The following PRKN variants were observed in gnomAD, a reference collection of about 807,000 sequenced individuals.
The protein encoded by PRKN is E3 ubiquitin-protein ligase parkin.
In PRKN, 56 loss-of-function variants were observed where a neutral mutation model predicts 59.5. The ratio of observed to expected loss-of-function variants is 0.94; its 90% CI spans 0.76 to 1.18. The LOEUF (loss-of-function observed/expected upper bound fraction) is 1.18, where lower values mean the gene tolerates loss of function less well. Ranked by LOEUF, PRKN falls within the 50% of genes most tolerant of loss-of-function variation. The pLI is 0.00. For synonymous variants in PRKN, 250 were observed against 222.1 expected (o/e 1.13, Z -1.12); for missense variants, 657 against 596.4 (o/e 1.10, Z -1.06).
chr6:161,507,955 C>G (rs1219116067), intron 9 of PRKN, among the ~76,000 whole-genome samples: 1 of 152,138 alleles, frequency 6.6e-6, no homozygotes, highest in African/African-American at 2.4e-5. Context: ...AAATAAATGA[C>G]CTACCTTTTC....
At chr6:161,804,321 G>A (rs916368009) in intron 6 of PRKN, among the ~76,000 whole-genome samples, 2 of 152,204 alleles carry the variant, frequency 1.3e-5, no homozygotes, top group African/African-American at 4.8e-5. Context: ...GAGCAGTGTG[G>A]ACACTGATAG....
chr6:162,720,105 T>C (rs1455165616), intron 1 of PRKN, among the ~76,000 whole-genome samples: 1 of 152,200 alleles, frequency 6.6e-6, no homozygotes, highest in Non-Finnish European at 1.5e-5. Context: ...TCACAAGATC[T>C]TATTTATGCA....
chr6:162,283,293 T>G (rs1781005563), intron 2 of PRKN, among the ~76,000 whole-genome samples: 1 of 152,214 alleles, frequency 6.6e-6, no homozygotes, highest in African/African-American at 2.4e-5. Flanking sequence ...TCTTTTTATT[T>G]TCACCTAAGA....
chr6:161,993,646 G>T (rs1177913265), intron 5 of PRKN, among the ~76,000 whole-genome samples: 2 of 152,164 alleles, frequency 1.3e-5, no homozygotes, highest in Non-Finnish European at 2.9e-5. Flanking sequence ...AAGAACAAAA[G>T]AAAGGAATAG....
chr6:162,087,617 C>T (rs539130690), intron 4 of PRKN, among the ~76,000 whole-genome samples: 176 of 107,354 alleles, frequency 1.6e-3, no homozygotes, highest in Non-Finnish European at 2.7e-3. Context: ...TTTTCTGAGA[C>T]GGAGTCTCGC....
intron 6 of PRKN, among the ~76,000 whole-genome samples, chr6:161,885,924 C>A (rs1795132314): frequency 6.6e-6 from 1 of 152,124 alleles, no homozygotes; most frequent in Non-Finnish European, 1.5e-5. Flanking sequence ...AATGGTACCT[C>A]CATCAATGCT....
At chr6:161,938,713 T>C (rs1779444579) in intron 6 of PRKN, among the ~76,000 whole-genome samples, 1 of 152,256 alleles carries the variant, frequency 6.6e-6, no homozygotes, top group African/African-American at 2.4e-5. Flanking sequence ...ATGTGCCACT[T>C]ACAGTGTTTG....
chr6:162,500,942 G>T (rs1398523616), intron 1 of PRKN, among the ~76,000 whole-genome samples: 1 of 152,132 alleles, frequency 6.6e-6, no homozygotes, highest in Non-Finnish European at 1.5e-5. Flanking sequence ...GAGGCAGAAG[G>T]ACTGCTTGAG....
At chr6:162,236,021 G>GAAAGAAAC (rs1287554689) in intron 3 of PRKN, among the ~76,000 whole-genome samples, 13 of 148,706 alleles carry the variant, frequency 8.7e-5, no homozygotes, top group African/African-American at 2.5e-4. Flanking sequence ...AAGAAAGAAA[G>GAAAGAAAC]AAACTCCTCA....
rs1198164379 is a variant in PRKN, at chr6:161,372,889, G to C, written c.1168-12684C>G. Among the ~76,000 whole-genome samples, 1 of 149,846 alleles carries C rather than the reference G, an allele frequency of 6.7e-6. No individual in the cohort carries two copies. Among genetic ancestry groups the C allele is most frequent in the Non-Finnish European group, 1.5e-5 (1 of 67,734 alleles). On this transcript the variant is annotated intron_variant, in intron 10 of 11. Coordinates refer to ENST00000366898, the MANE Select transcript of PRKN (RefSeq NM_004562.3). The surrounding 1 kb of genome is among the most constrained non-coding windows in gnomAD (Gnocchi z 4.2). ...CTGTTGCCCAGGCTGGAGTGCTGTG[G>C]CAAGATCATAGCTCACTCTAGCCTG...
intron 9 of PRKN, among the ~76,000 whole-genome samples, chr6:161,513,324 T>A (rs528596881): frequency 6.6e-6 from 1 of 152,262 alleles, no homozygotes; most frequent in South Asian, 2.1e-4. Context: ...CACTGCAACC[T>A]CCGCCCCCCG....
At chr6:161,720,517 G>GA (rs111680770) in intron 7 of PRKN, among the ~76,000 whole-genome samples, 23,061 of 148,904 alleles carry the variant, frequency 0.15, 2,768 homozygotes, top group African/African-American at 0.35. Flanking sequence ...GGGCACAGGT[G>GA]GGGGGGGGCA....
Position 161,571,509 on chromosome 6 carries a change from C to T in PRKN, c.872-2093G>A, listed in dbSNP as rs933923731. On this transcript the variant is annotated intron_variant, in intron 7 of 11. Transcript: ENST00000366898. ...TTCACACAGGTGAAGGTGCTCATTG[C>T]GATACAGATTAGATCTGTGCATTGT... 9.9e-5 allele frequency among the ~76,000 whole-genome samples: 15 copies of T among 152,196 alleles called. No homozygotes were observed. In the East Asian group the frequency reaches 1.9e-3, roughly 20 times the overall value.
Position 161,584,486 on chromosome 6 carries a change from G to GA in PRKN, c.872-15071dup, listed in dbSNP as rs1332594525. On this transcript the variant is annotated intron_variant, in intron 7 of 11. Coordinates refer to ENST00000366898, the MANE Select transcript of PRKN (RefSeq NM_004562.3). The surrounding 1 kb of genome is among the most constrained non-coding windows in gnomAD (Gnocchi z 4.8). The stretch of plus-strand genomic sequence containing the variant: ...ATAATCTTCATGTGCCAAATTGGGG[G>GA]AAAAAACCTTATGGCTGGCCTGTTA... 1.3e-5 allele frequency among the ~76,000 whole-genome samples: 2 copies of GA among 152,222 alleles called. No homozygotes were observed. The highest frequency in any genetic ancestry group is 3.9e-4 in the East Asian group (2 of 5,184).
At chr6:162,586,983 T>C (rs1183283496) in intron 1 of PRKN, among the ~76,000 whole-genome samples, 1 of 152,156 alleles carries the variant, frequency 6.6e-6, no homozygotes, top group Non-Finnish European at 1.5e-5. Flanking sequence ...AATGGTCATG[T>C]GAAAGGTAAG....
intron 2 of PRKN, among the ~76,000 whole-genome samples, chr6:162,292,739 G>A (rs138293277): frequency 2.8e-4 from 43 of 152,260 alleles, no homozygotes; most frequent in African/African-American, 8.9e-4. Flanking sequence ...AGACCCACCA[G>A]GATCAGTTCT....
chr6:161,964,009 C>A (rs1780482875), intron 6 of PRKN, among the ~76,000 whole-genome samples: 1 of 151,484 alleles, frequency 6.6e-6, no homozygotes, highest in African/African-American at 2.5e-5. Context: ...CTCTGAATCT[C>A]ACTTTACTGC....
Position 161,560,762 on chromosome 6 carries a change from T to C in PRKN, c.933+8593A>G, listed in dbSNP as rs1023586094. Among the ~76,000 whole-genome samples, 1 of 152,142 alleles carries C rather than the reference T, an allele frequency of 6.6e-6. No individual in the cohort carries two copies. Among genetic ancestry groups the C allele is most frequent in the African/African-American group, 2.4e-5 (1 of 41,432 alleles). ...CAAATCTCTTGCTAAAGTATGAACA[T>C]TGCTTAAATTCTTCAACTTCATCAA... On this transcript the variant is annotated intron_variant, in intron 8 of 11. Coordinates refer to ENST00000366898, the MANE Select transcript of PRKN (RefSeq NM_004562.3). This position sits in a 1 kb window ranked among gnomAD's most constrained non-coding sequence, Gnocchi z 4.9.
intron 5 of PRKN, among the ~76,000 whole-genome samples, chr6:162,016,152 A>AC (rs1562462231): frequency 1.4e-5 from 1 of 70,778 alleles, no homozygotes; most frequent in Non-Finnish European, 2.8e-5. Context: ...TAAAATAATA[A>AC]TAAAAAAAAA....
Sources: allele counts gnomAD v4.1 joint callset (sites outside exome capture counted in the v4.1 genomes callset), GRCh38; gene constraint gnomAD v4.1.1; non-coding constraint Gnocchi (gnomAD v3.1); transcripts MANE v1.5; gene names NCBI Gene and HGNC (gene_info 2026-07-23, HGNC 2026-07-21).